SHQ1: variants seen among roughly 807,000 people sequenced by gnomAD.
The protein encoded by SHQ1 is protein SHQ1 homolog.
Under a neutral mutation model 53.8 loss-of-function variants are expected in SHQ1, and 49 were observed. The observed-to-expected ratio is 0.91, with a 90% CI of 0.72 to 1.16. SHQ1 has a LOEUF of 1.16. SHQ1 is among the 50% of genes most tolerant of loss of function. SHQ1 has a pLI of 0.00. For synonymous variants in SHQ1, 243 were observed against 251.0 expected, an observed-to-expected ratio of 0.97 and a Z score of 0.30; for missense variants, 738 against 683.1, an observed-to-expected ratio of 1.08 and a Z score of -0.90.
intron 10 of SHQ1, among the ~76,000 whole-genome samples, chr3:72,786,691 C>T (rs1012529171): frequency 6.6e-6 from 1 of 152,180 alleles, no homozygotes; most frequent in Non-Finnish European, 1.5e-5. Flanking sequence ...TAATACATTA[C>T]ATCTGCATTT....
At chr3:72,827,706 C>T (rs984484148) in intron 5 of SHQ1, among the ~76,000 whole-genome samples, 11 of 149,690 alleles carry the variant, frequency 7.3e-5, no homozygotes, top group African/African-American at 2.7e-4. Context: ...AAATTACTTT[C>T]AAGTTTTGTC....
At chr3:72,742,586 G>T in the SHQ1 span, among the ~76,000 whole-genome samples, 1 of 151,664 alleles carries the variant, frequency 6.6e-6, no homozygotes, top group Admixed American at 6.6e-5. Context: ...TGGTTTCTCA[G>T]GAGAAAGAGT....
chr3:72,739,664 CAG>C, the SHQ1 span, among the ~76,000 whole-genome samples: 1 of 152,168 alleles, frequency 6.6e-6, no homozygotes, highest in Non-Finnish European at 1.5e-5. Context: ...GAGGCACACT[CAG>C]AGAGTAGCTC....
intron 7 of SHQ1, among the ~76,000 whole-genome samples, chr3:72,816,119 G>C (rs748236773): frequency 5.3e-5 from 8 of 152,042 alleles, no homozygotes; most frequent in Non-Finnish European, 1.0e-4. Context: ...CAAATGTCAA[G>C]AGGCACCCTA....
At chr3:72,764,203 G>T (rs1476449124) in intron 10 of SHQ1, among the ~76,000 whole-genome samples, 1 of 152,074 alleles carries the variant, frequency 6.6e-6, no homozygotes, top group African/African-American at 2.4e-5. Flanking sequence ...ACACTAGGCA[G>T]AACCACTTAC....
chr3:72,767,833 A>AC (rs2106732848), intron 10 of SHQ1, among the ~76,000 whole-genome samples: 1 of 152,344 alleles, frequency 6.6e-6, no homozygotes, highest in Non-Finnish European at 1.5e-5. Context: ...CCAGAACCAA[A>AC]CCTGTTGGCT....
intron 9 of SHQ1, chr3:72,794,298 T>C (rs1051616057): frequency 6.6e-6 from 1 of 152,212 alleles, no homozygotes; most frequent in Non-Finnish European, 1.5e-5. Flanking sequence ...TTTTTTAACA[T>C]AATTAACACT....
the SHQ1 span, among the ~76,000 whole-genome samples, chr3:72,734,669 G>A: frequency 6.6e-6 from 1 of 151,616 alleles, no homozygotes; most frequent in Non-Finnish European, 1.5e-5. Flanking sequence ...CCTAATAAAT[G>A]AGAATGAAAG....
At chr3:72,740,229 T>G in the SHQ1 span, among the ~76,000 whole-genome samples, 1 of 152,214 alleles carries the variant, frequency 6.6e-6, no homozygotes, top group African/African-American at 2.4e-5. Flanking sequence ...TGATGAATGA[T>G]TCAGTGTTTA....
At chr3:72,778,942 T>C (rs1706016732) in intron 10 of SHQ1, among the ~76,000 whole-genome samples, 1 of 152,152 alleles carries the variant, frequency 6.6e-6, no homozygotes, top group Non-Finnish European at 1.5e-5. Flanking sequence ...CTAAATCCAT[T>C]TGAGTTCCTA....
At chr3:72,844,199 A>T (rs1207782155) in intron 2 of SHQ1, among the ~76,000 whole-genome samples, 160 bp downstream of exon 2, 1 of 152,228 alleles carries the variant, frequency 6.6e-6, no homozygotes, top group African/African-American at 2.4e-5. Flanking sequence ...GGTGGGGAAC[A>T]TCAATAACAG....
chr3:72,841,245 A>G, intron 3 of SHQ1, 46 bp from the exon 4 acceptor site: 1 of 1,478,574 alleles, frequency 6.8e-7, no homozygotes, highest in Non-Finnish European at 9.2e-7. Context: ...GGATTTAAGT[A>G]CAACTAGGGG....
At chr3:72,808,119 G>A (rs967654554) in intron 9 of SHQ1, among the ~76,000 whole-genome samples, 1 of 152,032 alleles carries the variant, frequency 6.6e-6, no homozygotes, top group Non-Finnish European at 1.5e-5. Flanking sequence ...TAGAAATCAT[G>A]TTTTCCACAA....
At chr3:72,764,797 C>G (rs75197360) in intron 10 of SHQ1, among the ~76,000 whole-genome samples, 3,588 of 152,256 alleles carry the variant, frequency 0.024, 137 homozygotes, top group African/African-American at 0.078. Context: ...CCAAAGAGTT[C>G]TGACTATGTT....
intron 10 of SHQ1, among the ~76,000 whole-genome samples, chr3:72,785,191 G>C (rs1005762807): frequency 8.5e-5 from 13 of 152,242 alleles, no homozygotes; most frequent in African/African-American, 3.1e-4. Context: ...AAGACCATAT[G>C]CAAGAGCAAG....
chr3:72,807,486 C>T (rs1382867849), intron 9 of SHQ1, among the ~76,000 whole-genome samples: 3 of 152,196 alleles, frequency 2.0e-5, no homozygotes, highest in South Asian at 4.1e-4. Flanking sequence ...GAACTGGGAA[C>T]TTACAGAAGT....
At chr3:72,765,549 A>AT (rs1438456864) in intron 10 of SHQ1, among the ~76,000 whole-genome samples, 3 of 95,374 alleles carry the variant, frequency 3.1e-5, no homozygotes, top group African/African-American at 2.1e-4. Flanking sequence ...ATATATATAT[A>AT]TATATATATT....
intron 7 of SHQ1, 38 bp from the exon 8 acceptor site, chr3:72,815,441 G>C (rs771747585): frequency 2.6e-6 from 4 of 1,531,784 alleles, no homozygotes; most frequent in Non-Finnish European, 2.7e-6. Flanking sequence ...CATCACATTA[G>C]AGGTGAAGTC....
chr3:72,737,349 GAGA>G, the SHQ1 span, among the ~76,000 whole-genome samples: 2 of 152,120 alleles, frequency 1.3e-5, no homozygotes, highest in African/African-American at 4.8e-5. Flanking sequence ...CACGGAAGGG[GAGA>G]AGGAGAGGAG....
Sources: allele counts gnomAD v4.1 joint callset (sites outside exome capture counted in the v4.1 genomes callset), GRCh38; gene constraint gnomAD v4.1.1; transcripts MANE v1.5; gene names NCBI Gene and HGNC (gene_info 2026-07-23, HGNC 2026-07-21).